Variants in ZCWPW2 observed in about 807,000 individuals in gnomAD.
The protein encoded by ZCWPW2 is zinc finger CW-type and PWWP domain containing 2, also known as zinc finger CW-type PWWP domain protein 2.
ZCWPW2 carries 45 observed loss-of-function variants against 46.6 expected under a neutral mutation model. The observed-to-expected ratio is 0.96, with a 90% CI of 0.76 to 1.24. ZCWPW2 has a LOEUF of 1.24. Among genes scored for constraint, ZCWPW2 ranks in the 50% most tolerant of loss-of-function variants. The pLI is 0.00. For synonymous variants in ZCWPW2, 152 were observed against 137.1 expected, an observed-to-expected ratio of 1.11 and a Z score of -0.76; for missense variants, 429 against 403.9, an observed-to-expected ratio of 1.06 and a Z score of -0.53.
chr3:28,393,753 ACT>A (rs1695585808), intron 2 of ZCWPW2, among the ~76,000 whole-genome samples: 1 of 152,124 alleles, frequency 6.6e-6, no homozygotes, highest in African/African-American at 2.4e-5. Flanking sequence ...TATGATAAAA[ACT>A]CTTAACAAAA....
chr3:28,407,600 G>A (rs1462155391), intron 2 of ZCWPW2, among the ~76,000 whole-genome samples: 1 of 152,142 alleles, frequency 6.6e-6, no homozygotes, highest in Non-Finnish European at 1.5e-5. Flanking sequence ...GAGTGGTAGA[G>A]TTGTCTGGCT....
intron 1 of ZCWPW2, among the ~76,000 whole-genome samples, chr3:28,374,863 G>A (rs528727362): frequency 3.5e-4 from 53 of 151,972 alleles, no homozygotes; most frequent in Non-Finnish European, 4.4e-4. Flanking sequence ...ACAGGTTTTC[G>A]TTAATTTTTG....
At chr3:28,400,655 A>C (rs1224057546) in intron 2 of ZCWPW2, among the ~76,000 whole-genome samples, 1 of 152,216 alleles carries the variant, frequency 6.6e-6, no homozygotes, top group Non-Finnish European at 1.5e-5. Context: ...CAAATGAAAG[A>C]ATTATCAGCC....
intron 6 of ZCWPW2, among the ~76,000 whole-genome samples, chr3:28,512,418 C>G (rs920845973): frequency 1.3e-5 from 2 of 152,092 alleles, no homozygotes; most frequent in Non-Finnish European, 2.9e-5. Context: ...TTCCTCACCT[C>G]TGATAATCAA....
intron 5 of ZCWPW2, among the ~76,000 whole-genome samples, chr3:28,482,519 GAACACA>G (rs1289401808): frequency 1.3e-5 from 2 of 150,820 alleles, no homozygotes; most frequent in African/African-American, 4.9e-5. Context: ...AAATACCAAG[GAACACA>G]ATTGCTGATC....
chr3:28,513,566 C>T (rs1215256308), intron 6 of ZCWPW2, among the ~76,000 whole-genome samples: 3 of 152,078 alleles, frequency 2.0e-5, no homozygotes, highest in African/African-American at 7.2e-5. Flanking sequence ...GCTCTCTAAC[C>T]AGTGTCACCC....
intron 3 of ZCWPW2, among the ~76,000 whole-genome samples, chr3:28,421,354 C>T (rs1033780869): frequency 1.3e-5 from 2 of 152,110 alleles, no homozygotes; most frequent in African/African-American, 4.8e-5. Flanking sequence ...GCCTTTTCTG[C>T]CACCACCTGA....
At chr3:28,447,970 T>C (rs1396760668) in intron 4 of ZCWPW2, 2 of 592,858 alleles carry the variant, frequency 3.4e-6, no homozygotes, top group African/African-American at 3.7e-5. Flanking sequence ...TGTTTCCATG[T>C]GTGCTAAATG....
At chr3:28,360,086 A>T (rs1704882318) in intron 1 of ZCWPW2, among the ~76,000 whole-genome samples, 3 of 152,092 alleles carry the variant, frequency 2.0e-5, no homozygotes, top group African/African-American at 7.2e-5. Context: ...ATTATAAGAG[A>T]TGCATGGGAA....
chr3:28,459,843 TAAA>T (rs966219570), intron 4 of ZCWPW2, among the ~76,000 whole-genome samples: 1 of 151,980 alleles, frequency 6.6e-6, no homozygotes, highest in East Asian at 1.9e-4. Context: ...GGGGCTTCTT[TAAA>T]AAAAATTGCC....
chr3:28,464,366 G>T (rs983930735), intron 4 of ZCWPW2, among the ~76,000 whole-genome samples: 2 of 151,976 alleles, frequency 1.3e-5, no homozygotes, highest in African/African-American at 4.8e-5. Context: ...CTGCCTTCAT[G>T]CAACCTAAGC....
intron 2 of ZCWPW2, among the ~76,000 whole-genome samples, chr3:28,393,359 TA>T (rs1231092158): frequency 6.6e-5 from 10 of 152,142 alleles, no homozygotes; most frequent in Non-Finnish European, 1.5e-5. Flanking sequence ...ACCAAATATT[TA>T]AAGATGAATT....
intron 5 of ZCWPW2, among the ~76,000 whole-genome samples, chr3:28,483,530 A>G (rs747758484): frequency 7.9e-5 from 12 of 152,158 alleles, no homozygotes; most frequent in Non-Finnish European, 1.3e-4. Context: ...ATAACTTGCT[A>G]GCATTTTTAT....
intron 4 of ZCWPW2, among the ~76,000 whole-genome samples, chr3:28,474,620 T>TGTGC (rs777191108): frequency 0.019 from 2,296 of 121,584 alleles, 32 homozygotes; most frequent in African/African-American, 0.045. Context: ...TGTGTGTGTG[T>TGTGC]GCGCGCGCGC....
At chr3:28,447,121 C>T (rs1453873228) in intron 4 of ZCWPW2, among the ~76,000 whole-genome samples, 1 of 152,066 alleles carries the variant, frequency 6.6e-6, no homozygotes, top group African/African-American at 2.4e-5. Context: ...TCCTACTTTT[C>T]CAAAAATAGG....
Position 28,406,846 on chromosome 3 carries a change from C to T in ZCWPW2, c.-13-6210C>T, listed in dbSNP as rs576146084. Among the ~76,000 whole-genome samples the T allele has an allele frequency of 8.0e-5, 10 of 125,176 alleles. No homozygotes were observed. In the East Asian group the frequency reaches 2.0e-3, roughly 25 times the overall value. 82.1% of individuals were successfully genotyped at this position (125,176 alleles called of 152,430 possible). ...TTTTTCTTTTTTTTTTTTTTTTTGACAGACAAGGTCTCGGTCTGTCACCCA... is the reference window on the plus strand; with the variant it reads ...TTTTTCTTTTTTTTTTTTTTTTTGATAGACAAGGTCTCGGTCTGTCACCCA... On this transcript the variant is annotated intron_variant, in intron 2 of 9. Coordinates refer to ENST00000383768, the MANE Select transcript of ZCWPW2 (RefSeq NM_001040432.4).
At chr3:28,391,292 T>G in intron 2 of ZCWPW2, among the ~76,000 whole-genome samples, 1 of 148,994 alleles carries the variant, frequency 6.7e-6, no homozygotes, top group Non-Finnish European at 1.5e-5. Context: ...CAGGCAGTCA[T>G]GCCAGCAATA....
intron 3 of ZCWPW2, among the ~76,000 whole-genome samples, chr3:28,433,910 C>T (rs538857837): frequency 5.9e-4 from 84 of 141,970 alleles, no homozygotes; most frequent in Non-Finnish European, 1.1e-3. Context: ...CTTCCAATTC[C>T]ACCCCAGTTT....
At chr3:28,400,862 C>G (rs1695895697) in intron 2 of ZCWPW2, among the ~76,000 whole-genome samples, 1 of 152,102 alleles carries the variant, frequency 6.6e-6, no homozygotes, top group African/African-American at 2.4e-5. Context: ...TTCACAGGCT[C>G]TATAAAATAA....
Sources: allele counts gnomAD v4.1 joint callset (sites outside exome capture counted in the v4.1 genomes callset), GRCh38; gene constraint gnomAD v4.1.1; transcripts MANE v1.5; gene names NCBI Gene and HGNC (gene_info 2026-07-23, HGNC 2026-07-21).